The following BOC variants were observed in gnomAD, a reference collection of about 807,000 sequenced individuals.
BOC encodes brother of CDO.
BOC carries 76 observed loss-of-function variants against 112.0 expected under a neutral mutation model. The ratio of observed to expected loss-of-function variants is 0.68; its 90% CI spans 0.56 to 0.82. The LOEUF (loss-of-function observed/expected upper bound fraction) is 0.82. Among genes scored for constraint, BOC ranks in the 40% least tolerant of loss-of-function variants. The pLI, the probability that BOC is intolerant of heterozygous loss-of-function variation, is 0.00. For missense variants in BOC, 1,309 were observed against 1,511.7 expected (o/e 0.87, Z 2.22); for synonymous variants, 580 against 599.8 (o/e 0.97, Z 0.48).
rs771793792 is a variant in BOC, at chr3:113,268,330, C to G, written c.408C>G (p.His136Gln). The change falls in exon 5 of 20, where the codon CAC becomes CAG. Residue 136 changes from histidine to glutamine, a missense_variant. By Grantham distance (24) the His-to-Gln change is conservative. Transcript: ENST00000682979. ...AGGACTTCAAGTTAGATGTGCAGCA[C>G]GTGATTGAAGTGGATGAGGGAAACA... ...NLQDFKLDVQ[H>Q]VIEVDEGNTA... The G allele has an allele frequency of 6.2e-7, 1 of 1,614,132 alleles. No homozygotes were observed. Among genetic ancestry groups the G allele is most frequent in the Non-Finnish European group, 8.5e-7 (1 of 1,180,024 alleles).
At chr3:113,224,832 G>A (rs1325198214) in intron 2 of BOC, among the ~76,000 whole-genome samples, 3 of 152,140 alleles carry the variant, frequency 2.0e-5, no homozygotes, top group African/African-American at 7.2e-5. Flanking sequence ...GGTGGCTCAC[G>A]CCTGTAATCC....
At chr3:113,273,506 T>C (rs1307986483) in intron 8 of BOC, among the ~76,000 whole-genome samples, 165 bp downstream of exon 8, 3 of 152,226 alleles carry the variant, frequency 2.0e-5, no homozygotes, top group African/African-American at 7.2e-5. Context: ...AGATTTTCAC[T>C]AATGAAAATA....
At chr3:113,254,473 C>T (rs1465673901) in intron 4 of BOC, among the ~76,000 whole-genome samples, 6 of 152,216 alleles carry the variant, frequency 3.9e-5, no homozygotes, top group African/African-American at 1.4e-4. Context: ...CTGGCCCAGA[C>T]GCAGCAGTAG....
chr3:113,265,607 T>C (rs765318469), intron 4 of BOC, among the ~76,000 whole-genome samples: 3 of 152,256 alleles, frequency 2.0e-5, no homozygotes, highest in Admixed American at 6.5e-5. Context: ...AAGTTACCGA[T>C]GTTTAGCTAG....
Position 113,278,882 on chromosome 3 carries a change from G to C in BOC, c.1816+99G>C. On this transcript the variant is annotated intron_variant, in intron 11 of 19. Transcript: ENST00000682979. The surrounding 1 kb of genome is among the most constrained non-coding windows in gnomAD (Gnocchi z 4.2). ...ATGGGGTCTTGCTTCTGTAGGTCCA[G>C]GGTTTTTATGACATCTCCCAGTTAA... is the stretch of plus-strand genomic sequence containing the variant. The C allele has an allele frequency of 1.0e-6, 1 of 992,270 alleles. No individual in the cohort carries two copies. Among genetic ancestry groups the C allele is most frequent in the Non-Finnish European group, 1.5e-6 (1 of 665,472 alleles). The allele number at this position is 992,270 out of a possible 1,614,324, so 61.5% of individuals were successfully genotyped here.
chr3:113,229,629 A>G (rs1354803489), intron 2 of BOC, among the ~76,000 whole-genome samples: 1 of 152,272 alleles, frequency 6.6e-6, no homozygotes, highest in Non-Finnish European at 1.5e-5. Flanking sequence ...CTGAAAATCC[A>G]GAAAATATCT....
At chr3:113,251,901 C>T (rs1218902829) in intron 4 of BOC, 2 of 152,176 alleles carry the variant, frequency 1.3e-5, no homozygotes, top group African/African-American at 2.4e-5. Context: ...GGAAGAGGAG[C>T]CTTACCAAGA....
Position 113,273,112 on chromosome 3 carries a change from C to G in BOC, c.1005C>G (p.Pro335=), listed in dbSNP as rs11710894. 6.2e-7 allele frequency: 1 copy of G among 1,610,922 alleles called. No homozygotes were observed. Among genetic ancestry groups the G allele is most frequent in the Non-Finnish European group, 8.5e-7 (1 of 1,177,616 alleles). The change falls in exon 8 of 20, where the codon CCC becomes CCG. Residue 335 remains proline, a synonymous_variant. Coordinates refer to ENST00000682979, the MANE Select transcript of BOC (RefSeq NM_001378074.1). ...TGGAGCTATCCCAGCTGGTCATCCC[C>G]TGGGGCCAGAGTGCCAAGCTTACCT... ...VTMELSQLVI[P]WGQSAKLTCE... is the part of the protein sequence containing the mutation.
In BOC at chr3:113,274,405, A is replaced by C. The variant is rs570385666; in HGVS notation, c.1265A>C (p.Glu422Ala). Reference protein sequence around the residue: ...SITPRLWQDAELATGTPPVSP... With the variant: ...SITPRLWQDAALATGTPPVSP... The stretch of plus-strand genomic sequence containing the variant: ...ACCCCAAGGCTATGGCAGGATGCTG[A>C]GCTGGCTACTGGCACACCTCCTGTA... Residue 422 changes from glutamate to alanine, a missense_variant, in exon 9 of 20, where the codon GAG (glutamate) becomes GCG (alanine). By Grantham distance (107) the Glu-to-Ala change is moderately radical (BLOSUM62 -1). Transcript: ENST00000682979. The surrounding 1 kb of genome is among the most constrained non-coding windows in gnomAD (Gnocchi z 4.8). The C allele has an allele frequency of 7.0e-5, 110 of 1,568,856 alleles. 3 individuals carry two copies. The South Asian group carries it at 8.7e-4, about 12-fold the overall frequency.
rs767946148 is a variant in BOC at position 113,272,608 on chromosome 3, C to T, written c.866C>T (p.Thr289Ile). Residue 289 changes from threonine to isoleucine, a missense_variant, in exon 7 of 20, where the codon ACC becomes ATC. Physicochemically the swap from Thr to Ile is moderately conservative, Grantham distance 89 (BLOSUM62 -1). Coordinates refer to ENST00000682979, the MANE Select transcript of BOC (RefSeq NM_001378074.1). ...FLLSNLLIDT[T>I]SEEDSGTYRC... is the part of the protein sequence containing the mutation. Reference sequence around the variant, plus strand: ...CTGAGCAACCTCCTCATCGACACCACCAGCGAGGAGGACTCAGGCACCTAC... The same window carrying T: ...CTGAGCAACCTCCTCATCGACACCATCAGCGAGGAGGACTCAGGCACCTAC... The T allele has an allele frequency of 6.2e-6, 10 of 1,614,000 alleles. No individual in the cohort carries two copies. The highest frequency in any genetic ancestry group is 1.6e-4 in the Middle Eastern group (1 of 6,062).
chr3:113,233,200 G>GC (rs1942946405), intron 2 of BOC, among the ~76,000 whole-genome samples: 6 of 126,222 alleles, frequency 4.8e-5, no homozygotes, highest in Middle Eastern at 4.6e-3. Context: ...TGTGTGTCGG[G>GC]GGTTGGAGCT....
At chr3:113,276,785 C>A (rs1319569576) in intron 9 of BOC, among the ~76,000 whole-genome samples, 1 of 152,194 alleles carries the variant, frequency 6.6e-6, no homozygotes, top group Non-Finnish European at 1.5e-5. Context: ...TGGAACAAAT[C>A]CTGGAAGCCT....
intron 7 of BOC, 62 bp downstream of exon 7, chr3:113,272,765 AG>A: frequency 6.4e-7 from 1 of 1,564,172 alleles, no homozygotes; most frequent in Non-Finnish European, 8.7e-7. Context: ...CAGCCTTTCT[AG>A]AAATGTAACC....
chr3:113,240,797 C>T (rs1380777622), intron 2 of BOC, among the ~76,000 whole-genome samples: 1 of 152,158 alleles, frequency 6.6e-6, no homozygotes, highest in East Asian at 1.9e-4. Context: ...CCCTGCTCCT[C>T]CTTCCTTTTT....
Position 113,274,442 on chromosome 3 carries a change from A to T in BOC, c.1302A>T (p.Lys434Asn). The T allele has an allele frequency of 6.2e-7, 1 of 1,601,172 alleles. No homozygotes were observed. Among genetic ancestry groups the T allele is most frequent in the Non-Finnish European group, 8.5e-7 (1 of 1,170,950 alleles). ...GCACACCTCCTGTATCACCCTCCAA[A>T]CTCGGCAACCCTGAGCAGATGCTGA... ...ATGTPPVSPS[K>N]LGNPEQMLRG... The change falls in exon 9 of 20, where the codon AAA (lysine) becomes AAT (asparagine). Residue 434 changes from lysine to asparagine, a missense_variant. Coordinates refer to ENST00000682979, the MANE Select transcript of BOC (RefSeq NM_001378074.1). The surrounding 1 kb of genome is among the most constrained non-coding windows in gnomAD (Gnocchi z 4.8).
intron 2 of BOC, among the ~76,000 whole-genome samples, chr3:113,241,877 A>AG (rs1169451193): frequency 6.6e-6 from 1 of 151,966 alleles, no homozygotes; most frequent in Non-Finnish European, 1.5e-5. Flanking sequence ...TAAAGCAAGG[A>AG]GGGGGGTGCC....
At chr3:113,283,663 C>T (rs753725481) in intron 16 of BOC, 31 bp downstream of exon 16, 2 of 1,596,988 alleles carry the variant, frequency 1.3e-6, no homozygotes, top group East Asian at 4.5e-5. Context: ...GTGGGAGGAT[C>T]CTGGGTGGGA....
chr3:113,259,414 G>A (rs1188337615), intron 4 of BOC, among the ~76,000 whole-genome samples: 1 of 152,232 alleles, frequency 6.6e-6, no homozygotes, highest in Non-Finnish European at 1.5e-5. Context: ...CCAAGGGAAA[G>A]ATTGATTTGC....
chr3:113,236,126 A>G lies in BOC; in HGVS notation c.-81-13596A>G, dbSNP rs138174819. On this transcript the variant is annotated intron_variant, in intron 2 of 19. Transcript: ENST00000682979. ...ATACGTGCACTTCTGTGTTTATAGC[A>G]GCACTATATCACAATAGCAAAGATA... Among the ~76,000 whole-genome samples the G allele has an allele frequency of 7.5e-4, 113 of 151,322 alleles. 1 individual carries two copies. The highest frequency in any genetic ancestry group is 1.9e-4 in the Non-Finnish European group (13 of 67,758).
Sources: allele counts gnomAD v4.1 joint callset (sites outside exome capture counted in the v4.1 genomes callset), GRCh38; gene constraint gnomAD v4.1.1; non-coding constraint Gnocchi (gnomAD v3.1); transcripts MANE v1.5; gene names NCBI Gene and HGNC (gene_info 2026-07-23, HGNC 2026-07-21).